SERINC5: variants seen among roughly 807,000 people sequenced by gnomAD.
The protein encoded by SERINC5 is serine incorporator 5.
Under a neutral mutation model 63.1 loss-of-function variants are expected in SERINC5, and 41 were observed. The ratio of observed to expected loss-of-function variants is 0.65; its 90% CI spans 0.51 to 0.84. SERINC5 has a LOEUF of 0.84. Among genes scored for constraint, SERINC5 ranks in the 40% least tolerant of loss-of-function variants. The pLI, the probability that SERINC5 is intolerant of heterozygous loss-of-function variation, is 0.00. For synonymous variants in SERINC5, 222 were observed against 215.2 expected (o/e 1.03, Z -0.28); for missense variants, 523 against 573.0 (o/e 0.91, Z 0.89).
At chr5:80,232,769 C>G (rs908768198) in intron 1 of SERINC5, among the ~76,000 whole-genome samples, 1 of 150,798 alleles carries the variant, frequency 6.6e-6, no homozygotes, top group African/African-American at 2.4e-5. Flanking sequence ...GGTGACAGAG[C>G]GAAACTCCAT....
intron 8 of SERINC5, among the ~76,000 whole-genome samples, chr5:80,154,343 C>A (rs777584971): frequency 1.3e-5 from 2 of 152,156 alleles, no homozygotes; most frequent in Admixed American, 6.5e-5. Context: ...CCATGCCCGG[C>A]TAATTTTGTA....
At chr5:80,224,952 T>C (rs1399509703) in intron 1 of SERINC5, among the ~76,000 whole-genome samples, 12 of 36,002 alleles carry the variant, frequency 3.3e-4, no homozygotes, top group African/African-American at 2.0e-3. Context: ...TTTGTTTTTT[T>C]TTTTTTTAGA....
At chr5:80,134,768 C>A (rs1296065850), downstream of SERINC5, among the ~76,000 whole-genome samples, 3 of 152,162 alleles carry the variant, frequency 2.0e-5, no homozygotes, top group African/African-American at 7.2e-5. Context: ...GCTTCTCAAA[C>A]CCTCATGGTT....
chr5:80,227,469 C>T (rs112437998), intron 1 of SERINC5, among the ~76,000 whole-genome samples: 1,814 of 152,054 alleles, frequency 0.012, 45 homozygotes, highest in African/African-American at 0.041. Context: ...CATAATAAAA[C>T]TGTGTTTACA....
intron 1 of SERINC5, among the ~76,000 whole-genome samples, chr5:80,237,526 G>A (rs1198525510): frequency 6.6e-6 from 1 of 151,718 alleles, no homozygotes; most frequent in East Asian, 2.0e-4. Context: ...GTAGAGATGG[G>A]GTTTCACTAT....
chr5:80,221,806 AT>A (rs1750917937), intron 1 of SERINC5, among the ~76,000 whole-genome samples: 3 of 151,642 alleles, frequency 2.0e-5, no homozygotes, highest in Admixed American at 6.6e-5. Flanking sequence ...AAAAAAAAAA[AT>A]CAATGAACAT....
chr5:80,245,210 C>A (rs1430544232), intron 1 of SERINC5, among the ~76,000 whole-genome samples: 3 of 152,150 alleles, frequency 2.0e-5, no homozygotes, highest in Non-Finnish European at 4.4e-5. Context: ...GGTGAGATTT[C>A]CTTGAGAAGC....
At chr5:80,152,774 A>C (rs113348481) in intron 8 of SERINC5, among the ~76,000 whole-genome samples, 20,331 of 150,134 alleles carry the variant, frequency 0.14, 1,939 homozygotes, top group African/African-American at 0.27. Flanking sequence ...AACCCCATCT[A>C]TAGTAAAAAT....
At chr5:80,227,348 C>T (rs1244739520) in intron 1 of SERINC5, among the ~76,000 whole-genome samples, 1 of 152,006 alleles carries the variant, frequency 6.6e-6, no homozygotes, top group African/African-American at 2.4e-5. Flanking sequence ...AAACTGAGGT[C>T]TCTCCTAAGG....
chr5:80,233,816 T>C lies in SERINC5; in HGVS notation c.27+22080A>G, dbSNP rs1190577747. ...TCTTTCAACTTTTACTTTTTTTTTT[T>C]TTTTTTTTTTTTTGAGACAGAGTCT... On this transcript the variant is annotated intron_variant, in intron 1 of 11. Transcript: ENST00000507668. Among the ~76,000 whole-genome samples, 3 of 140,510 alleles carry C rather than the reference T, an allele frequency of 2.1e-5. No homozygotes were observed. The East Asian group carries it at 6.0e-4, about 28-fold the overall frequency. 92.2% of individuals were successfully genotyped at this position (140,510 alleles called of 152,430 possible).
chr5:80,152,146 G>A (rs866669683), intron 8 of SERINC5, among the ~76,000 whole-genome samples: 6 of 152,312 alleles, frequency 3.9e-5, no homozygotes, highest in South Asian at 2.1e-4. Flanking sequence ...CTGGTCAGAG[G>A]AAGACAGAAA....
intron 8 of SERINC5, among the ~76,000 whole-genome samples, chr5:80,156,655 TG>T (rs1746537463): frequency 6.6e-6 from 1 of 152,228 alleles, no homozygotes; most frequent in African/African-American, 2.4e-5. Flanking sequence ...TGTTTGTTGC[TG>T]GTATTTAGAC....
rs867618300 is a variant in SERINC5, at chr5:80,216,542, A to G, written c.28-13489T>C. On this transcript the variant is annotated intron_variant, in intron 1 of 11. Coordinates refer to ENST00000507668, the MANE Select transcript of SERINC5 (RefSeq NM_001174072.3). ...AAAAACAAGAGCTGTGGGAACATTCACTGGCACCCACTGAGGCAACAAATA... is the reference window on the plus strand; with the variant it reads ...AAAAACAAGAGCTGTGGGAACATTCGCTGGCACCCACTGAGGCAACAAATA... Among the ~76,000 whole-genome samples, 4 of 152,216 alleles carry G rather than the reference A, an allele frequency of 2.6e-5. No individual in the cohort carries two copies. The South Asian group carries it at 8.3e-4, about 32-fold the overall frequency.
At chr5:80,222,465 T>C (rs565769872) in intron 1 of SERINC5, among the ~76,000 whole-genome samples, 2 of 150,534 alleles carry the variant, frequency 1.3e-5, no homozygotes, top group East Asian at 3.9e-4. Context: ...TACTTCATAA[T>C]AACAAAACTG....
chr5:80,121,879 C>T (rs80099090), intron 11 of SERINC5, among the ~76,000 whole-genome samples: 10 of 151,830 alleles, frequency 6.6e-5, no homozygotes, highest in South Asian at 6.2e-4. Context: ...CTCATTACCT[C>T]GGGGAGGGCA....
chr5:80,170,901 G>A (rs1160998890), intron 5 of SERINC5, among the ~76,000 whole-genome samples: 1 of 152,166 alleles, frequency 6.6e-6, no homozygotes, highest in African/African-American at 2.4e-5. Flanking sequence ...CAGCTGCTTG[G>A]GAGACTGAGG....
intron 1 of SERINC5, among the ~76,000 whole-genome samples, chr5:80,208,670 A>G (rs1361739247): frequency 6.6e-6 from 1 of 152,206 alleles, no homozygotes; most frequent in Non-Finnish European, 1.5e-5. Context: ...TCACACACGC[A>G]AAAGGGAGTC....
intron 7 of SERINC5, among the ~76,000 whole-genome samples, chr5:80,159,240 A>C (rs1345359981): frequency 6.6e-6 from 1 of 152,212 alleles, no homozygotes; most frequent in East Asian, 1.9e-4. Flanking sequence ...CTAAGGAAAG[A>C]GTCTTGCTCG....
chr5:80,151,641 C>T (rs1476325075), intron 8 of SERINC5, among the ~76,000 whole-genome samples: 2 of 152,154 alleles, frequency 1.3e-5, no homozygotes, highest in Non-Finnish European at 2.9e-5. Flanking sequence ...ATAGCAAGAC[C>T]TCATCTCTAC....
Sources: gnomAD v4.1 joint callset for allele counts (sites outside exome capture counted in the v4.1 genomes callset) on GRCh38, gnomAD v4.1.1 for gene constraint, MANE v1.5 for transcripts, NCBI Gene and HGNC (gene_info 2026-07-23, HGNC 2026-07-21) for gene names.